ANKLE2: variants seen among roughly 807,000 people sequenced by gnomAD.
ANKLE2 encodes ankyrin repeat and LEM domain-containing protein 2.
In ANKLE2, 55 loss-of-function variants were observed where a neutral mutation model predicts 84.2. The ratio of observed to expected loss-of-function variants is 0.65; its 90% CI spans 0.53 to 0.82. ANKLE2 has a LOEUF of 0.82. Ranked by LOEUF, ANKLE2 falls within the 40% of genes least tolerant of loss-of-function variation. The pLI is 0.00. For synonymous variants in ANKLE2, 551 were observed against 486.1 expected (o/e 1.13, Z -1.76); for missense variants, 1,238 against 1,201.9 (o/e 1.03, Z -0.44).
chr12:132,731,326 G>A (rs1326430439), intron 10 of ANKLE2: 1 of 152,254 alleles, frequency 6.6e-6, no homozygotes, highest in African/African-American at 2.4e-5. Flanking sequence ...CCTGTATAAC[G>A]ACGGCACTGA....
chr12:132,729,003 A>G (rs1421703159), intron 11 of ANKLE2, among the ~76,000 whole-genome samples: 1 of 152,090 alleles, frequency 6.6e-6, no homozygotes, highest in Non-Finnish European at 1.5e-5. Context: ...CAGAAAGAGC[A>G]TCTAGAAGCT....
rs1319599098 is a variant in ANKLE2 at position 132,727,124 on chromosome 12, C to T, written c.*118G>A. On this transcript the variant is annotated 3_prime_UTR_variant, in exon 13 of 13. Transcript: ENST00000357997. ...TTTAAATCTTCTAAAATTCTCACAC[C>T]CTCAAAGTGAGGAGTAATAATTTAA... 2 of 1,083,796 alleles carry T rather than the reference C, an allele frequency of 1.8e-6. No homozygotes were observed. Among genetic ancestry groups the T allele is most frequent in the Non-Finnish European group, 2.5e-6 (2 of 789,828 alleles). The allele number at this position is 1,083,796 out of a possible 1,614,324, so 67.1% of individuals were successfully genotyped here. A position where few individuals can be genotyped will look rare whatever the true frequency, so the allele number is the denominator to read the frequency against.
At chr12:132,734,911 T>C in intron 9 of ANKLE2, 2 of 317,048 alleles carry the variant, frequency 6.3e-6, no homozygotes, top group South Asian at 8.0e-5. Flanking sequence ...GGAACAGCCC[T>C]GTGAACTTGC....
In ANKLE2 at chr12:132,730,146, C is replaced by G. The variant is rs369378222; in HGVS notation, c.2016G>C (p.Thr672=). ...SPPTVGAFGH[T]RCSAFPLEQE... is the part of the protein sequence containing the mutation. Reference sequence around the variant, plus strand: ...GCTCCAAGGGGAAGGCGCTGCACCTCGTATGTCCAAAAGCACCGACTGTGG... The same window carrying G: ...GCTCCAAGGGGAAGGCGCTGCACCTGGTATGTCCAAAAGCACCGACTGTGG... Residue 672 remains threonine (T), a synonymous_variant, in exon 11 of 13, where the codon ACG becomes ACC. Coordinates refer to ENST00000357997, the MANE Select transcript of ANKLE2 (RefSeq NM_015114.3). 2.7e-5 allele frequency: 44 copies of G among 1,611,990 alleles called. No homozygotes were observed. In the African/African-American group the frequency reaches 5.7e-4, roughly 21 times the overall value.
At chr12:132,733,100 C>G (rs2043923109) in intron 10 of ANKLE2, among the ~76,000 whole-genome samples, 2 of 144,286 alleles carry the variant, frequency 1.4e-5, no homozygotes, top group East Asian at 2.2e-4. Context: ...GTGAAGCTCT[C>G]TGCGTCCTGG....
chr12:132,755,567 CT>C (rs943793454), intron 1 of ANKLE2: 42 of 147,338 alleles, frequency 2.9e-4, no homozygotes, highest in Non-Finnish European at 5.0e-4. Flanking sequence ...AAGAATTTTT[CT>C]TTTTTTTTTC....
Position 132,746,348 on chromosome 12 carries a change from C to CAAAAAAAAAAAAAAA in ANKLE2, c.1230+1469_1230+1483dup, listed in dbSNP as rs566130639. 9.8e-3 allele frequency among the ~76,000 whole-genome samples: 650 copies of CAAAAAAAAAAAAAAA among 66,436 alleles called. 23 individuals carry two copies. Among genetic ancestry groups the CAAAAAAAAAAAAAAA allele is most frequent in the African/African-American group, 0.034 (606 of 17,774 alleles). 43.6% of individuals were successfully genotyped at this position (66,436 alleles called of 152,430 possible). ...TGGGAGACAGAGCAAGACTCTGTCT[C>CAAAAAAAAAAAAAAA]AAAAAAAAAAAAAAAAAAAGAATCA... On this transcript the variant is annotated intron_variant, in intron 5 of 12. Coordinates refer to ENST00000357997, the MANE Select transcript of ANKLE2 (RefSeq NM_015114.3).
intron 2 of ANKLE2, among the ~76,000 whole-genome samples, chr12:132,752,453 A>C (rs1167527075): frequency 6.6e-6 from 1 of 152,176 alleles, no homozygotes; most frequent in Non-Finnish European, 1.5e-5. Flanking sequence ...TCAGGCTGGA[A>C]TGCAGTGGCA....
Position 132,729,921 on chromosome 12 carries a change from G to A in ANKLE2, c.2241C>T (p.Ser747=), listed in dbSNP as rs552320030. 6.8e-6 allele frequency: 11 copies of A among 1,613,596 alleles called. No individual in the cohort carries two copies. Among genetic ancestry groups the A allele is most frequent in the East Asian group, 6.7e-5 (3 of 44,836 alleles). Residue 747 remains serine, a synonymous_variant, in exon 11 of 13, where the codon AGC becomes AGT. Coordinates refer to ENST00000357997, the MANE Select transcript of ANKLE2 (RefSeq NM_015114.3). ...DKLNLQNIGR[S]VSKTPDESTK... is the part of the protein sequence containing the mutation. ...TACTTTCATCTGGTGTCTTGGAAAC[G>A]CTACGTCCTATATTTTGCAAATTCA...
chr12:132,725,663 C>G lies in ANKLE2; in HGVS notation c.*1579G>C, dbSNP rs539257703. On this transcript the variant is annotated 3_prime_UTR_variant, in exon 13 of 13. Coordinates refer to ENST00000357997, the MANE Select transcript of ANKLE2 (RefSeq NM_015114.3). ...GAAATCAGGAGCAGTGGTCCACATA[C>G]AAAATCAGGGCCAAAACGTTTTACT... The G allele has an allele frequency of 2.0e-5, 3 of 152,214 alleles. No homozygotes were observed. The highest frequency in any genetic ancestry group is 2.9e-5 in the Non-Finnish European group (2 of 68,038). The allele number at this position is 152,214 out of a possible 1,614,324, so 9.4% of individuals were successfully genotyped here.
At chr12:132,731,422 TC>T (rs1179443837) in intron 10 of ANKLE2, 1 of 90,302 alleles carries the variant, frequency 1.1e-5, no homozygotes, top group East Asian at 5.4e-4. Flanking sequence ...TCAATCATTT[TC>T]ATTTTCTATC....
Position 132,728,085 on chromosome 12 carries a change from G to C in ANKLE2, c.2562C>G (p.Ala854=). ...GGACAGCACTCTTCCATCTGTGCAC[G>C]GCCGGGAACTGATGGGGGTCGACGT... ...CADVDPHQFP[A]VHRWKSAVLC... Residue 854 remains alanine (A), a synonymous_variant, in exon 12 of 13, where the codon GCC becomes GCG. Coordinates refer to ENST00000357997, the MANE Select transcript of ANKLE2 (RefSeq NM_015114.3). 1 of 1,612,906 alleles carries C rather than the reference G, an allele frequency of 6.2e-7. No homozygotes were observed. The highest frequency in any genetic ancestry group is 8.5e-7 in the Non-Finnish European group (1 of 1,179,940).
intron 10 of ANKLE2, chr12:132,731,868 T>C (rs11147027): frequency 0.31 from 47,066 of 151,932 alleles, 8,656 homozygotes; most frequent in Non-Finnish European, 0.41. Context: ...ATCTGTGCTT[T>C]GGAAGCACTT....
intron 8 of ANKLE2, among the ~76,000 whole-genome samples, chr12:132,735,802 G>A (rs2043997432): frequency 6.6e-6 from 1 of 152,230 alleles, no homozygotes; most frequent in Non-Finnish European, 1.5e-5. Context: ...CCTGAGGACA[G>A]TGGACGGCTC....
Position 132,725,605 on chromosome 12 carries a change from C to G in ANKLE2, c.*1637G>C, listed in dbSNP as rs540306381. On this transcript the variant is annotated 3_prime_UTR_variant, in exon 13 of 13. Transcript: ENST00000357997. ...ACTGGAATCGCTGCCCACAAACAAACGGAGAAACAGTCAAAGGTGGCCTAA... is the reference window on the plus strand; with the variant it reads ...ACTGGAATCGCTGCCCACAAACAAAGGGAGAAACAGTCAAAGGTGGCCTAA... 7.2e-5 allele frequency: 11 copies of G among 152,292 alleles called. No homozygotes were observed. The highest frequency in any genetic ancestry group is 2.6e-4 in the Admixed American group (4 of 15,296). The allele number at this position is 152,292 out of a possible 1,614,324, so 9.4% of individuals were successfully genotyped here.
In ANKLE2 at chr12:132,730,253, C is replaced by A. The variant is rs371039454; in HGVS notation, c.1909G>T (p.Val637Leu). The change falls in exon 11 of 13, where the codon GTG becomes TTG. Residue 637 changes from valine to leucine, a missense_variant. Transcript: ENST00000357997. ...ATTSGSNSIS[V>L]RAFLDEDDMS... ...TCATCTTCATCTAGAAACGCCCTCACGGAAATGGAATTGCTGCCTGTGAGG... is the reference window on the plus strand; with the variant it reads ...TCATCTTCATCTAGAAACGCCCTCAAGGAAATGGAATTGCTGCCTGTGAGG... 2 of 1,563,080 alleles carry A rather than the reference C, an allele frequency of 1.3e-6. No individual in the cohort carries two copies. The highest frequency in any genetic ancestry group is 1.9e-5 in the Admixed American group (1 of 53,716).
intron 7 of ANKLE2, among the ~76,000 whole-genome samples, chr12:132,740,393 T>C (rs1361159405): frequency 1.3e-5 from 2 of 152,158 alleles, no homozygotes. Flanking sequence ...TTAGGCTCAG[T>C]AGGCCACAAG....
In ANKLE2 at chr12:132,726,622, A is replaced by T. The variant is rs1055768203; in HGVS notation, c.*620T>A. 3.3e-5 allele frequency: 5 copies of T among 152,182 alleles called. No individual in the cohort carries two copies. Among genetic ancestry groups the T allele is most frequent in the African/African-American group, 1.2e-4 (5 of 41,412 alleles). The allele number at this position is 152,182 out of a possible 1,614,324, so 9.4% of individuals were successfully genotyped here. ...AAGCTACTTTCATCTTCTGATCAGT[A>T]ATTTAAATATTCCGAACAACCCAAA... On this transcript the variant is annotated 3_prime_UTR_variant, in exon 13 of 13. Transcript: ENST00000357997.
chr12:132,728,389 C>T (rs929224123), intron 11 of ANKLE2, among the ~76,000 whole-genome samples: 4 of 152,060 alleles, frequency 2.6e-5, no homozygotes, highest in Non-Finnish European at 4.4e-5. Flanking sequence ...CCACCACGCC[C>T]GGCTAATTTT....
Sources: allele counts gnomAD v4.1 joint callset (sites outside exome capture counted in the v4.1 genomes callset), GRCh38; gene constraint gnomAD v4.1.1; transcripts MANE v1.5; gene names NCBI Gene and HGNC (gene_info 2026-07-23, HGNC 2026-07-21).